ABCB1: variants seen among roughly 807,000 people sequenced by gnomAD.
ABCB1 encodes the protein ATP-dependent translocase ABCB1.
ABCB1 carries 69 observed loss-of-function variants against 142.0 expected under a neutral mutation model. The ratio of observed to expected loss-of-function variants is 0.49; its 90% CI spans 0.40 to 0.59. The LOEUF is 0.59. Ranked by LOEUF, ABCB1 falls within the 20% of genes least tolerant of loss-of-function variation. ABCB1 has a pLI of 0.00. For missense variants in ABCB1, 1,326 were observed against 1,554.7 expected, an observed-to-expected ratio of 0.85 and a Z score of 2.47; for synonymous variants, 532 against 539.2, an observed-to-expected ratio of 0.99 and a Z score of 0.18.
intron 1 of ABCB1, among the ~76,000 whole-genome samples, chr7:87,618,507 G>T (rs1820108777): frequency 6.6e-6 from 1 of 152,168 alleles, no homozygotes; most frequent in African/African-American, 2.4e-5. Context: ...CCTATCAATA[G>T]AAATAGTTTT....
At chr7:87,569,028 T>C (rs1328907379) in intron 5 of ABCB1, among the ~76,000 whole-genome samples, 1 of 152,140 alleles carries the variant, frequency 6.6e-6, no homozygotes. Context: ...GCTTTCAAAA[T>C]ATGATAAAGT....
chr7:87,672,992 C>G (rs1273607174), intron 1 of ABCB1, among the ~76,000 whole-genome samples: 1 of 152,164 alleles, frequency 6.6e-6, no homozygotes, highest in Non-Finnish European at 1.5e-5. Flanking sequence ...GGTCGGCCAT[C>G]CTGACTACTC....
intron 4 of ABCB1, among the ~76,000 whole-genome samples, chr7:87,575,393 C>T (rs1483898978): frequency 1.3e-5 from 2 of 152,090 alleles, no homozygotes; most frequent in African/African-American, 4.8e-5. Flanking sequence ...AAGATAAACC[C>T]AGAATGAGAG....
chr7:87,674,567 G>T (rs994782848), intron 1 of ABCB1, among the ~76,000 whole-genome samples: 45 of 152,124 alleles, frequency 3.0e-4, no homozygotes, highest in Admixed American at 2.0e-3. Flanking sequence ...TCAGGGCATG[G>T]GCAAATAGTA....
intron 4 of ABCB1, among the ~76,000 whole-genome samples, chr7:87,584,526 C>T (rs749781393): frequency 6.6e-6 from 1 of 152,074 alleles, no homozygotes; most frequent in Non-Finnish European, 1.5e-5. Context: ...CAACCCATTC[C>T]TCCCCAATCG....
At chr7:87,699,251 G>A (rs1828789303) in intron 1 of ABCB1, among the ~76,000 whole-genome samples, 1 of 151,988 alleles carries the variant, frequency 6.6e-6, no homozygotes, top group South Asian at 2.1e-4. Flanking sequence ...TTCAAAATAT[G>A]AAAGCAAATC....
At chr7:87,633,062 A>G (rs1457864680) in intron 1 of ABCB1, among the ~76,000 whole-genome samples, 5 of 152,186 alleles carry the variant, frequency 3.3e-5, no homozygotes, top group Non-Finnish European at 7.4e-5. Flanking sequence ...ATAGGTCATG[A>G]TATTATTTCA....
At chr7:87,567,013 T>C (rs758385064) in intron 5 of ABCB1, 37 bp from the exon 6 acceptor site, 1 of 1,592,570 alleles carries the variant, frequency 6.3e-7, no homozygotes, top group Non-Finnish European at 8.6e-7. Context: ...TGCTCTCTGT[T>C]TCCTAATCAA....
intron 1 of ABCB1, among the ~76,000 whole-genome samples, chr7:87,606,459 A>T (rs1819656329): frequency 6.6e-6 from 1 of 152,162 alleles, no homozygotes; most frequent in Non-Finnish European, 1.5e-5. Flanking sequence ...TATCAGCCAA[A>T]GGTATTCATT....
At chr7:87,598,783 G>A (rs1040267992) in intron 2 of ABCB1, among the ~76,000 whole-genome samples, 1 of 152,200 alleles carries the variant, frequency 6.6e-6, no homozygotes, top group Non-Finnish European at 1.5e-5. Flanking sequence ...GCCATTGGAA[G>A]CATCTTCCAG....
Position 87,546,067 on chromosome 7 carries a change from C to A in ABCB1, c.1726-43G>T, listed in dbSNP as rs1277668647. ...TGGTTTTTGAATACATTAACAATTA[C>A]CTGAAGAAACTTAACCATTCAACAT... On this transcript the variant is annotated intron_variant, in intron 14 of 27. Transcript: ENST00000622132. 2.5e-6 allele frequency: 4 copies of A among 1,592,760 alleles called. No homozygotes were observed. In the South Asian group the frequency reaches 4.4e-5, roughly 18 times the overall value.
chr7:87,511,346 A>C (rs934460306), intron 25 of ABCB1, among the ~76,000 whole-genome samples: 1 of 152,228 alleles, frequency 6.6e-6, no homozygotes, highest in African/African-American at 2.4e-5. Flanking sequence ...TATAACTAGG[A>C]AAGTAAACCT....
rs750748784 is a variant in ABCB1, at chr7:87,549,320, A to T, written c.1725+28T>A. Reference sequence around the variant, plus strand: ...TAGAATGTTCTTATGCTTATAAATCAGGTTGGTTTGAACTAAGCCTCACTG... The same window carrying T: ...TAGAATGTTCTTATGCTTATAAATCTGGTTGGTTTGAACTAAGCCTCACTG... On this transcript the variant is annotated intron_variant, in intron 14 of 27. Coordinates refer to ENST00000622132, the MANE Select transcript of ABCB1 (RefSeq NM_001348946.2). The T allele has an allele frequency of 2.5e-6, 4 of 1,613,972 alleles. No individual in the cohort carries two copies. In the Admixed American group the frequency reaches 5.0e-5, roughly 20 times the overall value.
intron 1 of ABCB1, among the ~76,000 whole-genome samples, chr7:87,694,244 G>A (rs987892904): frequency 1.3e-5 from 2 of 152,110 alleles, no homozygotes; most frequent in African/African-American, 2.4e-5. Context: ...GCAGCTCAGG[G>A]AAGCTGTATG....
intron 1 of ABCB1, among the ~76,000 whole-genome samples, chr7:87,608,011 C>T (rs1819718623): frequency 6.6e-6 from 1 of 152,194 alleles, no homozygotes; most frequent in South Asian, 2.1e-4. Flanking sequence ...ATACCAATTT[C>T]AATGATGCCT....
chr7:87,595,874 C>A, intron 2 of ABCB1, 60 bp from the exon 3 acceptor site: 1 of 1,299,528 alleles, frequency 7.7e-7, no homozygotes, highest in South Asian at 1.2e-5. Context: ...TTAAATTACC[C>A]AAATTAACAT....
At chr7:87,508,950 C>T (rs1013709350) in intron 26 of ABCB1, among the ~76,000 whole-genome samples, 1 of 152,192 alleles carries the variant, frequency 6.6e-6, no homozygotes, top group Non-Finnish European at 1.5e-5. Flanking sequence ...GTACTTACCC[C>T]TAAGGCTGAC....
At chr7:87,706,605 G>C (rs1829609133) in intron 1 of ABCB1, among the ~76,000 whole-genome samples, 1 of 152,190 alleles carries the variant, frequency 6.6e-6, no homozygotes, top group African/African-American at 2.4e-5. Context: ...TGGAGAGATG[G>C]ATATTACACG....
chr7:87,576,191 C>T (rs1048480979), intron 4 of ABCB1, among the ~76,000 whole-genome samples: 1 of 151,496 alleles, frequency 6.6e-6, no homozygotes, highest in African/African-American at 2.4e-5. Flanking sequence ...TAATATATTG[C>T]AGAGATTACA....
Sources: gnomAD v4.1 joint callset for allele counts (sites outside exome capture counted in the v4.1 genomes callset) on GRCh38, gnomAD v4.1.1 for gene constraint, MANE v1.5 for transcripts, NCBI Gene and HGNC (gene_info 2026-07-23, HGNC 2026-07-21) for gene names.